Variants in CSMD1 observed in about 807,000 individuals in gnomAD.
CSMD1 encodes CUB and Sushi multiple domains 1, also known as CUB and sushi domain-containing protein 1.
Under a neutral mutation model 417.5 loss-of-function variants are expected in CSMD1, and 213 were observed. The ratio of observed to expected loss-of-function variants is 0.51; its 90% CI spans 0.46 to 0.57. CSMD1 has a LOEUF of 0.57. CSMD1 is among the 20% of genes least tolerant of loss of function. The probability of loss-of-function intolerance (pLI) is 0.00; values close to 1 mark genes in which losing one functional copy is unlikely to be tolerated. For synonymous variants in CSMD1, 2,862 were observed against 1,736.8 expected, an observed-to-expected ratio of 1.65 and a Z score of -16.11; for missense variants, 6,923 against 4,529.7, an observed-to-expected ratio of 1.53 and a Z score of -15.17.
chr8:2,961,143 C>A lies in CSMD1; in HGVS notation c.9700G>T (p.Glu3234Ter). ...ATAGTAAATTCATAATGAACTACCTCATAGCCTCTGGAGCTATTCTGTATT... is the reference window on the plus strand; with the variant it reads ...ATAGTAAATTCATAATGAACTACCTAATAGCCTCTGGAGCTATTCTGTATT... The part of the protein sequence containing the change: ...FGIQNSSRGY[E>*]VGSTVFFRCR... Residue 3234 changes from glutamate to a stop codon, truncating the protein, a stop_gained and splice_region_variant, in exon 62 of 70, where the codon GAG becomes TAG. Transcript: ENST00000635120. LOFTEE classifies it high-confidence loss of function. 1 of 1,573,960 alleles carries A rather than the reference C, an allele frequency of 6.4e-7. No individual in the cohort carries two copies. The highest frequency in any genetic ancestry group is 8.7e-7 in the Non-Finnish European group (1 of 1,152,208).
intron 5 of CSMD1, among the ~76,000 whole-genome samples, chr8:3,781,457 G>A (rs1029937432): frequency 6.6e-6 from 1 of 151,838 alleles, no homozygotes; most frequent in Non-Finnish European, 1.5e-5. Flanking sequence ...CAGAGAATAC[G>A]GGTTAAGGGA....
intron 1 of CSMD1, among the ~76,000 whole-genome samples, chr8:4,741,238 A>C (rs1344391204): frequency 1.3e-5 from 2 of 152,192 alleles, no homozygotes; most frequent in Non-Finnish European, 2.9e-5. Flanking sequence ...CTTAACTTTT[A>C]CTAATTAGGC....
intron 18 of CSMD1, among the ~76,000 whole-genome samples, chr8:3,369,779 G>C (rs547952121): frequency 4.6e-5 from 7 of 152,198 alleles, no homozygotes; most frequent in African/African-American, 1.7e-4. Flanking sequence ...AAAAAGAAGA[G>C]AAAGTTTTAT....
chr8:4,177,198 A>C (rs913223800), intron 3 of CSMD1, among the ~76,000 whole-genome samples: 3 of 152,190 alleles, frequency 2.0e-5, no homozygotes, highest in Non-Finnish European at 4.4e-5. Flanking sequence ...CTCCTCAGCA[A>C]ATGTAAAAGA....
At chr8:4,723,796 A>AC (rs1554457684) in intron 1 of CSMD1, among the ~76,000 whole-genome samples, 6 of 146,118 alleles carry the variant, frequency 4.1e-5, no homozygotes, top group Admixed American at 6.7e-5. Context: ...GTAAAAAAAA[A>AC]AAAACAAAAA....
At chr8:3,769,172 C>T (rs1006563246) in intron 5 of CSMD1, among the ~76,000 whole-genome samples, 17 of 152,178 alleles carry the variant, frequency 1.1e-4, no homozygotes, top group Admixed American at 6.5e-5. Flanking sequence ...TTCCCCTTGC[C>T]ATGATTTTAC....
intron 11 of CSMD1, among the ~76,000 whole-genome samples, chr8:3,483,995 A>G (rs78710496): frequency 0.024 from 3,625 of 152,260 alleles, 154 homozygotes; most frequent in African/African-American, 0.082. Context: ...TTTTCTCCAA[A>G]TTTATCAATA....
chr8:4,386,678 C>G (rs1401984670), intron 3 of CSMD1, among the ~76,000 whole-genome samples: 2 of 152,182 alleles, frequency 1.3e-5, no homozygotes, highest in African/African-American at 4.8e-5. Context: ...CTGATGAGCC[C>G]TTGCAGAATG....
chr8:4,240,838 G>A (rs188498802), intron 3 of CSMD1, among the ~76,000 whole-genome samples: 112 of 152,206 alleles, frequency 7.4e-4, no homozygotes, highest in African/African-American at 2.3e-3. Flanking sequence ...ATGTGAGGGC[G>A]TAGCATGGGG....
At chr8:4,520,377 T>G (rs1113227) in intron 2 of CSMD1, among the ~76,000 whole-genome samples, 1 of 152,182 alleles carries the variant, frequency 6.6e-6, no homozygotes, top group East Asian at 1.9e-4. Flanking sequence ...AGAAGACGAC[T>G]TTTCTTCATA....
chr8:4,349,081 G>A (rs1800938967), intron 3 of CSMD1, among the ~76,000 whole-genome samples: 1 of 152,172 alleles, frequency 6.6e-6, no homozygotes, highest in African/African-American at 2.4e-5. Flanking sequence ...CTCATGAAAT[G>A]CTCAAATTAC....
intron 5 of CSMD1, among the ~76,000 whole-genome samples, chr8:3,797,301 CAT>C (rs1256750648): frequency 2.6e-5 from 4 of 151,986 alleles, no homozygotes; most frequent in African/African-American, 7.2e-5. Context: ...AGGAAACGCA[CAT>C]GTCTTTGTTA....
rs575247165 is a variant in CSMD1, at chr8:4,819,811, G to A, written c.85+174521C>T. Among the ~76,000 whole-genome samples the A allele has an allele frequency of 3.9e-5, 6 of 152,230 alleles. No individual in the cohort carries two copies. The South Asian group carries it at 1.2e-3, about 32-fold the overall frequency. On this transcript the variant is annotated intron_variant, in intron 1 of 69. Coordinates refer to ENST00000635120, the MANE Select transcript of CSMD1 (RefSeq NM_033225.6). ...ATGCTAAGGGTGGGGCTGTTTGGGT[G>A]TGGAGGTTCCATTCCTCCAACCAGA...
chr8:4,641,835 T>C (rs914361599), intron 1 of CSMD1, among the ~76,000 whole-genome samples: 24 of 152,108 alleles, frequency 1.6e-4, no homozygotes, highest in African/African-American at 1.2e-4. Context: ...TTAAAACTAA[T>C]CAATGCCCAT....
intron 5 of CSMD1, among the ~76,000 whole-genome samples, chr8:3,959,052 T>G (rs527239260): frequency 6.6e-6 from 1 of 152,266 alleles, no homozygotes; most frequent in Admixed American, 6.5e-5. Context: ...TACTTCCTAC[T>G]CCCCAGCACC....
chr8:4,205,152 T>C (rs1466195921), intron 3 of CSMD1, among the ~76,000 whole-genome samples: 3 of 152,132 alleles, frequency 2.0e-5, no homozygotes, highest in Admixed American at 2.0e-4. Flanking sequence ...AATGAAATTG[T>C]TCTTAGAGAG....
chr8:4,652,593 A>G (rs1585396739), intron 1 of CSMD1, among the ~76,000 whole-genome samples: 2 of 152,120 alleles, frequency 1.3e-5, no homozygotes, highest in African/African-American at 4.8e-5. Flanking sequence ...CAGAGGTTGC[A>G]GTGGGCCGAG....
At position 4,423,815 on chromosome 8, in the gene CSMD1, T is replaced by TTTTATATCTACAACG. The variant is rs1797393473; in HGVS notation, c.303-3765_303-3751dup. On this transcript the variant is annotated intron_variant, in intron 2 of 69. Transcript: ENST00000635120. ...ACAGTTCACCTGATTTCAAGACTTA[T>TTTTATATCTACAACG]TTTATATCTACAACGGTTAAGACTA... Among the ~76,000 whole-genome samples, 3 of 152,024 alleles carry TTTTATATCTACAACG rather than the reference T, an allele frequency of 2.0e-5. No homozygotes were observed. In the South Asian group the frequency reaches 6.2e-4, roughly 31 times the overall value.
Position 3,157,960 on chromosome 8 carries a change from A to C in CSMD1, c.5851T>G (p.Ser1951Ala). 1 of 1,553,784 alleles carries C rather than the reference A, an allele frequency of 6.4e-7. No homozygotes were observed. The change falls in exon 39 of 70, where the codon TCC becomes GCC. Residue 1951 changes from serine to alanine, a missense_variant. Transcript: ENST00000635120. The part of the protein sequence containing the change: ...CEPGYTLQGR[S>A]HISCMPGTVR... ...GTCCCTGGCATACAGGAAATGTGGG[A>C]ACGGCCCTGTTTAAAAGAAAACAAA...
Sources: gnomAD v4.1 joint callset for allele counts (sites outside exome capture counted in the v4.1 genomes callset) on GRCh38, gnomAD v4.1.1 for gene constraint, MANE v1.5 for transcripts, NCBI Gene and HGNC (gene_info 2026-07-23, HGNC 2026-07-21) for gene names.